The following SENP5 variants were observed in gnomAD, a reference collection of about 807,000 sequenced individuals.
The protein encoded by SENP5 is sentrin-specific protease 5.
In SENP5, 21 loss-of-function variants were observed where a neutral mutation model predicts 74.2. That is an observed-to-expected ratio of 0.28 (90% CI 0.20 to 0.41). SENP5 has a LOEUF of 0.41. SENP5 is among the 10% of genes least tolerant of loss of function. The probability of loss-of-function intolerance (pLI) is 1.00; values close to 1 mark genes in which losing one functional copy is unlikely to be tolerated. For missense variants in SENP5, 717 were observed against 889.1 expected, an observed-to-expected ratio of 0.81 and a Z score of 2.46; for synonymous variants, 311 against 312.7, an observed-to-expected ratio of 0.99 and a Z score of 0.06.
chr3:196,907,188 G>A (rs184735340), intron 6 of SENP5, among the ~76,000 whole-genome samples: 2 of 152,032 alleles, frequency 1.3e-5, no homozygotes, highest in East Asian at 1.9e-4. Flanking sequence ...GATAATGAAC[G>A]ATGGGCCGGG....
At chr3:196,899,145 G>A (rs1714591632) in intron 2 of SENP5, among the ~76,000 whole-genome samples, 1 of 151,440 alleles carries the variant, frequency 6.6e-6, no homozygotes, top group Non-Finnish European at 1.5e-5. Flanking sequence ...AGCGTTATTT[G>A]GTGTCATGAG....
At chr3:196,918,885 T>C (rs1259133080) in intron 6 of SENP5, among the ~76,000 whole-genome samples, 1 of 152,050 alleles carries the variant, frequency 6.6e-6, no homozygotes, top group African/African-American at 2.4e-5. Context: ...TAATGTCAGG[T>C]AAAATAGGTA....
chr3:196,870,952 C>T (rs1045251045), intron 1 of SENP5, among the ~76,000 whole-genome samples: 12 of 151,648 alleles, frequency 7.9e-5, no homozygotes, highest in African/African-American at 2.4e-4. Flanking sequence ...GGGTGGATCA[C>T]GAGTCAGGAG....
At chr3:196,868,931 G>T (rs1713076000) in intron 1 of SENP5, among the ~76,000 whole-genome samples, 1 of 149,876 alleles carries the variant, frequency 6.7e-6, no homozygotes, top group South Asian at 2.1e-4. Context: ...TATGGAAAAG[G>T]TTGCCTAGAG....
chr3:196,925,043 A>T (rs933144678), intron 7 of SENP5, among the ~76,000 whole-genome samples: 1 of 152,212 alleles, frequency 6.6e-6, no homozygotes, highest in Non-Finnish European at 1.5e-5. Context: ...GTAGACACAT[A>T]TATACATACA....
intron 2 of SENP5, among the ~76,000 whole-genome samples, 197 bp from the exon 3 acceptor site, chr3:196,899,469 T>C (rs925421651): frequency 1.9e-4 from 29 of 152,210 alleles, no homozygotes. Flanking sequence ...TCTCTCTAGA[T>C]TGCATTGGTT....
At chr3:196,894,647 A>C (rs560672869) in intron 2 of SENP5, among the ~76,000 whole-genome samples, 2 of 151,852 alleles carry the variant, frequency 1.3e-5, no homozygotes, top group African/African-American at 4.8e-5. Context: ...CAGAAATGCA[A>C]CCTACCACAG....
chr3:196,921,974 A>G (rs996249160), intron 6 of SENP5, among the ~76,000 whole-genome samples: 5 of 152,234 alleles, frequency 3.3e-5, no homozygotes, highest in African/African-American at 1.2e-4. Context: ...CACCCACTCT[A>G]CAACTGGAAT....
intron 2 of SENP5, among the ~76,000 whole-genome samples, chr3:196,892,467 CA>C (rs1714252577): frequency 6.6e-6 from 1 of 152,056 alleles, no homozygotes; most frequent in Non-Finnish European, 1.5e-5. Context: ...TTTTAATTGA[CA>C]AAATTCTATA....
intron 6 of SENP5, among the ~76,000 whole-genome samples, chr3:196,917,100 C>T (rs1577840019): frequency 6.6e-6 from 1 of 152,212 alleles, no homozygotes; most frequent in East Asian, 1.9e-4. Context: ...TGCCATTGCA[C>T]TCCAGCCTGG....
chr3:196,885,012 A>G lies in SENP5; in HGVS notation c.-31-139A>G, dbSNP rs370761650. On this transcript the variant is annotated intron_variant, in intron 1 of 9. Coordinates refer to ENST00000323460, the MANE Select transcript of SENP5 (RefSeq NM_152699.5). The stretch of plus-strand genomic sequence containing the variant: ...ATTGTGATGAAAACCTTGGTCAGAT[A>G]AGATTTCATTGTGTCCAATAGTCTA... The G allele has an allele frequency of 7.2e-4, 404 of 564,462 alleles. 2 individuals carry two copies. The African/African-American group carries it at 7.2e-3, about 10-fold the overall frequency. 35.0% of individuals were successfully genotyped at this position (564,462 alleles called of 1,614,324 possible).
chr3:196,872,821 C>T (rs935828145), intron 1 of SENP5, among the ~76,000 whole-genome samples: 3 of 152,172 alleles, frequency 2.0e-5, no homozygotes, highest in Admixed American at 2.0e-4. Context: ...TAGAATATTT[C>T]TGTCATTGCA....
At chr3:196,890,527 C>A (rs1714156626) in intron 2 of SENP5, among the ~76,000 whole-genome samples, 1 of 151,512 alleles carries the variant, frequency 6.6e-6, no homozygotes, top group Non-Finnish European at 1.5e-5. Context: ...AAGGTGAATA[C>A]TTTGCAATGA....
intron 1 of SENP5, among the ~76,000 whole-genome samples, chr3:196,873,240 A>G (rs1713295654): frequency 6.6e-6 from 1 of 151,650 alleles, no homozygotes; most frequent in Non-Finnish European, 1.5e-5. Context: ...TGCCCGGCTA[A>G]TGTTTGTATT....
At chr3:196,908,255 G>A (rs944795634) in intron 6 of SENP5, among the ~76,000 whole-genome samples, 10 of 152,140 alleles carry the variant, frequency 6.6e-5, no homozygotes, top group African/African-American at 2.4e-4. Context: ...ACTCCTGCCT[G>A]GGTGACAGAC....
intron 2 of SENP5, among the ~76,000 whole-genome samples, chr3:196,894,847 G>A (rs1714373369): frequency 6.6e-6 from 1 of 152,120 alleles, no homozygotes; most frequent in Non-Finnish European, 1.5e-5. Context: ...TTTTAAAAAA[G>A]TATGGTTTTT....
At chr3:196,923,362 G>C in intron 6 of SENP5, 52 bp from the exon 7 acceptor site, 2 of 1,549,820 alleles carry the variant, frequency 1.3e-6, no homozygotes, top group South Asian at 2.5e-5. Context: ...GGTTTTTGGT[G>C]GTTTGGATAG....
At chr3:196,904,608 C>T (rs1351040032) in intron 6 of SENP5, among the ~76,000 whole-genome samples, 8 of 151,666 alleles carry the variant, frequency 5.3e-5, no homozygotes, top group South Asian at 2.1e-4. Flanking sequence ...GCCAATGTGG[C>T]GAAACCCTAT....
chr3:196,873,651 T>G (rs1277152502), intron 1 of SENP5, among the ~76,000 whole-genome samples: 1 of 151,502 alleles, frequency 6.6e-6, no homozygotes, highest in African/African-American at 2.4e-5. Context: ...CCATCCTGGC[T>G]AACACGGTGA....
Sources: gnomAD v4.1 joint callset for allele counts (sites outside exome capture counted in the v4.1 genomes callset) on GRCh38, gnomAD v4.1.1 for gene constraint, MANE v1.5 for transcripts, NCBI Gene and HGNC (gene_info 2026-07-23, HGNC 2026-07-21) for gene names.